The following LIMCH1 variants were observed in gnomAD, a reference collection of about 807,000 sequenced individuals.
LIMCH1 encodes LIM and calponin homology domains 1.
In LIMCH1, 113 loss-of-function variants were observed where a neutral mutation model predicts 176.5. The observed-to-expected ratio is 0.64, with a 90% CI of 0.55 to 0.75. LIMCH1 has a LOEUF of 0.75. Ranked by LOEUF, LIMCH1 falls within the 30% of genes least tolerant of loss-of-function variation. LIMCH1 has a pLI of 0.00. For missense variants in LIMCH1, 1,674 were observed against 1,814.9 expected (o/e 0.92, Z 1.41); for synonymous variants, 619 against 645.9 (o/e 0.96, Z 0.63).
At chr4:41,690,683 A>C (rs941176782) in intron 30 of LIMCH1, among the ~76,000 whole-genome samples, 2 of 152,196 alleles carry the variant, frequency 1.3e-5, no homozygotes, top group Non-Finnish European at 2.9e-5. Context: ...AGCTAAGAGA[A>C]AGTCAGTGAA....
chr4:41,463,302 CTT>C (rs1450081646), intron 1 of LIMCH1, among the ~76,000 whole-genome samples: 4 of 152,082 alleles, frequency 2.6e-5, no homozygotes, highest in Non-Finnish European at 5.9e-5. Flanking sequence ...AGTACACCCA[CTT>C]TATGTAGCAG....
intron 1 of LIMCH1, among the ~76,000 whole-genome samples, chr4:41,420,438 G>A (rs1475734913): frequency 6.6e-6 from 1 of 152,208 alleles, no homozygotes; most frequent in Non-Finnish European, 1.5e-5. Context: ...CTTGGATTCA[G>A]GGTGTAGGAC....
chr4:41,613,091 A>C, intron 4 of LIMCH1: 2 of 1,552,168 alleles, frequency 1.3e-6, no homozygotes, highest in Non-Finnish European at 1.7e-6. Context: ...TCCGAAAGAC[A>C]AGTCAAGGTT....
intron 1 of LIMCH1, among the ~76,000 whole-genome samples, chr4:41,371,744 A>G (rs1452900303): frequency 6.6e-6 from 1 of 152,164 alleles, no homozygotes; most frequent in Non-Finnish European, 1.5e-5. Context: ...GTCCCCACAT[A>G]GTGCCCACAT....
chr4:41,467,158 T>C (rs371847864), intron 1 of LIMCH1, among the ~76,000 whole-genome samples: 4,263 of 143,540 alleles, frequency 0.03, 148 homozygotes, highest in Non-Finnish European at 0.045. Flanking sequence ...TATGTATATA[T>C]ACACACACAC....
intron 7 of LIMCH1, among the ~76,000 whole-genome samples, chr4:41,625,534 A>G (rs967754464): frequency 6.6e-6 from 1 of 152,240 alleles, no homozygotes; most frequent in African/African-American, 2.4e-5. Flanking sequence ...GACTCAAGCA[A>G]TTAGTGGAAA....
intron 1 of LIMCH1, among the ~76,000 whole-genome samples, chr4:41,375,270 T>G (rs1007270863): frequency 1.3e-5 from 2 of 152,214 alleles, no homozygotes; most frequent in Non-Finnish European, 2.9e-5. Flanking sequence ...ATTAATAGAT[T>G]GTTTTACTCC....
chr4:41,359,620 A>G (rs1159163304), upstream of LIMCH1: 1 of 152,268 alleles, frequency 6.6e-6, no homozygotes, highest in African/African-American at 2.4e-5. Flanking sequence ...TCGGGAGACC[A>G]TTATGGGATG....
intron 1 of LIMCH1, among the ~76,000 whole-genome samples, chr4:41,432,209 T>A (rs2061666667): frequency 6.6e-6 from 1 of 152,234 alleles, no homozygotes; most frequent in Admixed American, 6.5e-5. Context: ...GGCTGATGCG[T>A]GTTGTGTGAA....
rs578221879 is a variant in LIMCH1, at chr4:41,514,467, G to A, written c.168-9942G>A. Among the ~76,000 whole-genome samples the A allele has an allele frequency of 3.9e-5, 6 of 152,318 alleles. No homozygotes were observed. The East Asian group carries it at 9.6e-4, about 24-fold the overall frequency. ...GTTCAGGGGAGGAAGCAGTAAGCAT[G>A]TGAAAGTGCCTAGCTATATGAAGAG... On this transcript the variant is annotated intron_variant, in intron 2 of 26. Transcript: ENST00000313860.
chr4:41,603,146 A>C (rs1364327034), intron 2 of LIMCH1, among the ~76,000 whole-genome samples: 1 of 152,140 alleles, frequency 6.6e-6, no homozygotes, highest in Non-Finnish European at 1.5e-5. Context: ...CCCCTCACCG[A>C]AGTTACTGTG....
intron 1 of LIMCH1, among the ~76,000 whole-genome samples, chr4:41,554,320 T>C (rs769886235): frequency 5.3e-5 from 8 of 152,094 alleles, no homozygotes; most frequent in Non-Finnish European, 1.2e-4. Flanking sequence ...TCTGCTGAGG[T>C]TGGCCAAGGT....
chr4:41,566,552 A>C (rs2152569306), intron 1 of LIMCH1, among the ~76,000 whole-genome samples: 1 of 152,288 alleles, frequency 6.6e-6, no homozygotes, highest in Admixed American at 6.5e-5. Flanking sequence ...AGCATGATGT[A>C]GGCAGTTTCC....
intron 1 of LIMCH1, among the ~76,000 whole-genome samples, chr4:41,419,188 A>ATTTTATTTTATTTTATT (rs113387505): frequency 1.3e-5 from 1 of 78,112 alleles, no homozygotes; most frequent in African/African-American, 8.1e-5. Flanking sequence ...ATTTAATTTT[A>ATTTTATTTTATTTTATT]TTATTTTGAG....
intron 1 of LIMCH1, among the ~76,000 whole-genome samples, chr4:41,484,953 C>T (rs541830479): frequency 2.6e-4 from 39 of 152,044 alleles, no homozygotes; most frequent in Non-Finnish European, 4.3e-4. Context: ...AAAATGGGAA[C>T]GATCAGGCTG....
intron 1 of LIMCH1, among the ~76,000 whole-genome samples, chr4:41,391,638 T>C (rs1489074810): frequency 6.6e-6 from 1 of 152,106 alleles, no homozygotes; most frequent in Non-Finnish European, 1.5e-5. Context: ...CCCAAATCTA[T>C]GCCCCAGATT....
rs1452167402 is a variant in LIMCH1 at position 41,596,048 on chromosome 4, C to CAAAAAAAAAAAAAA, written c.-240-2859_-240-2858insAAAAAAAAAAAAAA. On this transcript the variant is annotated intron_variant, in intron 1 of 31. Coordinates refer to ENST00000503057, the MANE Select transcript of LIMCH1 (RefSeq NM_001330672.2). Reference sequence around the variant, plus strand: ...TGGGTGACAGAGTGAGACTCCATCTCAAAAAAAAAAAAATAAAAAAGTTCA... The same window carrying CAAAAAAAAAAAAAA: ...TGGGTGACAGAGTGAGACTCCATCTCAAAAAAAAAAAAAAAAAAAAAAAAAAATAAAAAAGTTCA... Among the ~76,000 whole-genome samples, 145 of 100,626 alleles carry CAAAAAAAAAAAAAA rather than the reference C, an allele frequency of 1.4e-3. 12 individuals are homozygous for CAAAAAAAAAAAAAA. Among genetic ancestry groups the CAAAAAAAAAAAAAA allele is most frequent in the African/African-American group, 9.6e-3 (138 of 14,426 alleles). 66.0% of individuals were successfully genotyped at this position (100,626 alleles called of 152,430 possible). A position where few individuals can be genotyped will look rare whatever the true frequency, so the allele number is the denominator to read the frequency against.
chr4:41,460,334 G>A (rs564489286), intron 1 of LIMCH1, among the ~76,000 whole-genome samples: 35 of 151,638 alleles, frequency 2.3e-4, no homozygotes, highest in African/African-American at 7.5e-4. Context: ...TATTTTGATC[G>A]TTGATCATGA....
intron 14 of LIMCH1, among the ~76,000 whole-genome samples, chr4:41,642,583 G>C (rs373977175): frequency 6.6e-6 from 1 of 151,314 alleles, no homozygotes; most frequent in African/African-American, 2.4e-5. Context: ...TTTTGAGATA[G>C]AGTCTCGCTC....
Sources: gnomAD v4.1 joint callset for allele counts (sites outside exome capture counted in the v4.1 genomes callset) on GRCh38, gnomAD v4.1.1 for gene constraint, MANE v1.5 for transcripts, NCBI Gene and HGNC (gene_info 2026-07-23, HGNC 2026-07-21) for gene names.